Variants in SMTN observed in about 807,000 individuals in gnomAD.
SMTN encodes the protein smoothelin.
A neutral mutation model predicts 102.0 loss-of-function variants in SMTN; 58 were observed. That is an observed-to-expected ratio of 0.57 (90% CI 0.46 to 0.71). The LOEUF (loss-of-function observed/expected upper bound fraction) is 0.71, where lower values mean the gene tolerates loss of function less well. Among genes scored for constraint, SMTN ranks in the 30% least tolerant of loss-of-function variants. SMTN has a pLI of 0.00. For missense variants in SMTN, 1,185 were observed against 1,241.7 expected (o/e 0.95, Z 0.69); for synonymous variants, 478 against 497.9 (o/e 0.96, Z 0.53).
intron 8 of SMTN, 134 bp downstream of exon 8, chr22:31,090,314 C>T (rs1439853669): frequency 2.9e-6 from 2 of 686,674 alleles, no homozygotes; most frequent in Admixed American, 2.9e-5. Flanking sequence ...TGATACTGCA[C>T]CCCACCCCTG....
chr22:31,095,479 G>C lies in SMTN; in HGVS notation c.1785+24G>C. 1 of 1,614,220 alleles carries C rather than the reference G, an allele frequency of 6.2e-7. No homozygotes were observed. Among genetic ancestry groups the C allele is most frequent in the Non-Finnish European group, 8.5e-7 (1 of 1,180,028 alleles). ...TGGTATAGCCAGATCCGGTGGGCTG[G>C]GGGTTGGCAGAGGCCAGCAGGCACC... On this transcript the variant is annotated intron_variant, in intron 12 of 20. Coordinates refer to ENST00000333137, the MANE Select transcript of SMTN (RefSeq NM_134269.3). This position sits in a 1 kb window ranked among gnomAD's most constrained non-coding sequence, Gnocchi z 4.1.
In SMTN at chr22:31,091,009, C is replaced by T; in HGVS notation, c.986C>T (p.Ser329Phe). The change falls in exon 10 of 21, where the codon TCT (serine) becomes TTT (phenylalanine). Residue 329 changes from serine (S) to phenylalanine (F), a missense_variant. Ser to Phe is a radical substitution (Grantham distance 155). Coordinates refer to ENST00000333137, the MANE Select transcript of SMTN (RefSeq NM_134269.3). ...CCTTCCTCATTCCAGCGGGCTGGCT[C>T]TGTGCGGGATCGTGTCCACAAGTTC... ...SGPSSFQRAG[S>F]VRDRVHKFTS... The T allele has an allele frequency of 6.2e-7, 1 of 1,613,970 alleles. No individual in the cohort carries two copies. Among genetic ancestry groups the T allele is most frequent in the Non-Finnish European group, 8.5e-7 (1 of 1,179,940 alleles).
In SMTN at chr22:31,089,989, C is replaced by T. The variant is rs779220557; in HGVS notation, c.762C>T (p.Leu254=). 2 of 1,603,034 alleles carry T rather than the reference C, an allele frequency of 1.2e-6. No homozygotes were observed. The highest frequency in any genetic ancestry group is 1.3e-5 in the African/African-American group (1 of 74,554). Residue 254 remains leucine, a synonymous_variant, in exon 7 of 21, where the codon CTC becomes CTT. Transcript: ENST00000333137. ...CTGAGCCTCAGGAGTCTCCAACGCT[C>T]CCCAGCACTGAGGGCCAGGTGGTCA... ...TSPEPQESPT[L]PSTEGQVVNK...
chr22:31,085,247 T>C (rs1362860008), intron 2 of SMTN: 1 of 1,524,006 alleles, frequency 6.6e-7, no homozygotes, highest in Admixed American at 2.0e-5. Flanking sequence ...CGGTAGCGGG[T>C]GTCTTCCTAC....
intron 1 of SMTN, among the ~76,000 whole-genome samples, chr22:31,071,160 C>T (rs920263470): frequency 2.7e-5 from 4 of 147,450 alleles, no homozygotes; most frequent in African/African-American, 1.0e-4. Flanking sequence ...GGATTGCTTG[C>T]GCCCAGGAGT....
intron 11 of SMTN, chr22:31,093,601 G>A (rs1192195790): frequency 1.3e-6 from 1 of 755,144 alleles, no homozygotes. Flanking sequence ...GGAGCCGGTG[G>A]CCCGGGCAGC....
Position 31,090,954 on chromosome 22 carries a change from C to G in SMTN, c.938-7C>G. ...CCAGTTGCTGACAGCCCTCCTGTTC[C>G]TTCTAGAGTCCACCCCCCTTGCCAG... On this transcript the variant is annotated splice_region_variant and splice_polypyrimidine_tract_variant and intron_variant, in intron 9 of 20. Coordinates refer to ENST00000333137, the MANE Select transcript of SMTN (RefSeq NM_134269.3). The G allele has an allele frequency of 6.2e-7, 1 of 1,613,116 alleles. No homozygotes were observed. Among genetic ancestry groups the G allele is most frequent in the African/African-American group, 1.3e-5 (1 of 75,010 alleles).
At chr22:31,069,198 A>G (rs736901) in intron 1 of SMTN, among the ~76,000 whole-genome samples, 35,282 of 151,840 alleles carry the variant, frequency 0.23, 5,342 homozygotes, top group African/African-American at 0.44. Context: ...GATTGAATCA[A>G]CTTCCAGGAT....
chr22:31,088,942 A>G lies in SMTN; in HGVS notation c.444A>G (p.Leu148=). Residue 148 remains leucine, a synonymous_variant, in exon 6 of 21, where the codon CTA becomes CTG. Coordinates refer to ENST00000333137, the MANE Select transcript of SMTN (RefSeq NM_134269.3). ...GCTCAAGAGAGGACAGCAAGGGGCT[A>G]GCGGCACACAGGCTGGAACAGTGTG... The part of the protein sequence containing the change: ...NSGSREDSKG[L]AAHRLEQCEV... The G allele has an allele frequency of 6.2e-7, 1 of 1,613,780 alleles. No individual in the cohort carries two copies. Among genetic ancestry groups the G allele is most frequent in the Non-Finnish European group, 8.5e-7 (1 of 1,179,996 alleles).
intron 2 of SMTN, among the ~76,000 whole-genome samples, chr22:31,084,476 A>G (rs1203531508): frequency 1.3e-5 from 2 of 152,094 alleles, no homozygotes; most frequent in African/African-American, 2.4e-5. Flanking sequence ...CTGCCTCTCC[A>G]CTATCACCGC....
Position 31,098,688 on chromosome 22 carries a change from G to C in SMTN, c.2181G>C (p.Gln727His), listed in dbSNP as rs2043812880. The change falls in exon 17 of 21, where the codon CAG becomes CAC. Residue 727 changes from glutamine to histidine, a missense_variant. Coordinates refer to ENST00000333137, the MANE Select transcript of SMTN (RefSeq NM_134269.3). Reference sequence around the variant, plus strand: ...CTAGCATCTTCGACCGCGAGGACCAGGCCAGCCCACGGGCCGGCAGCCTGG... The same window carrying C: ...CTAGCATCTTCGACCGCGAGGACCACGCCAGCCCACGGGCCGGCAGCCTGG... ...KMGSIFDRED[Q>H]ASPRAGSLAA... 6.2e-7 allele frequency: 1 copy of C among 1,613,458 alleles called. No homozygotes were observed. Among genetic ancestry groups the C allele is most frequent in the South Asian group, 1.1e-5 (1 of 91,062 alleles).
intron 20 of SMTN, 86 bp downstream of exon 20, chr22:31,101,135 G>A (rs536453067): frequency 3.5e-5 from 45 of 1,276,378 alleles, no homozygotes; most frequent in Non-Finnish European, 4.6e-5. Flanking sequence ...GCGGGTGGGG[G>A]AAGTAAGGGG....
rs750183416 is a variant in SMTN, at chr22:31,090,838, C to T, written c.896C>T (p.Ser299Phe). 1 of 1,613,874 alleles carries T rather than the reference C, an allele frequency of 6.2e-7. No individual in the cohort carries two copies. Among genetic ancestry groups the T allele is most frequent in the East Asian group, 2.2e-5 (1 of 44,894 alleles). ...DVAGPRPCQR[S>F]LSVLSPRQPA... ...GCTGGACCCCGACCCTGCCAACGCT[C>T]CCTGTCGGTGCTCAGCCCCCGCCAA... Residue 299 changes from serine (S) to phenylalanine (F), a missense_variant, in exon 9 of 21, where the codon TCC becomes TTC. Physicochemically the swap from Ser to Phe is radical, Grantham distance 155. Coordinates refer to ENST00000333137, the MANE Select transcript of SMTN (RefSeq NM_134269.3).
At chr22:31,098,000 G>C (rs747916714) in intron 16 of SMTN, among the ~76,000 whole-genome samples, 5 of 152,200 alleles carry the variant, frequency 3.3e-5, no homozygotes, top group African/African-American at 1.2e-4. Flanking sequence ...CCACTTCCCA[G>C]TATCTGCAAA....
chr22:31,102,940 C>G (rs1309707260), intron 20 of SMTN: 1 of 152,268 alleles, frequency 6.6e-6, no homozygotes, highest in Non-Finnish European at 1.5e-5. Context: ...CAGCAGCAGA[C>G]CCAGAACCCT....
chr22:31,075,481 G>A (rs1339836566), intron 1 of SMTN, among the ~76,000 whole-genome samples: 3 of 152,082 alleles, frequency 2.0e-5, no homozygotes, highest in Non-Finnish European at 4.4e-5. Flanking sequence ...AGGAGTTCAA[G>A]ACCAGCCTGG....
rs988991627 is a variant in SMTN, at chr22:31,091,558, G to A, written c.1459+76G>A. On this transcript the variant is annotated intron_variant, in intron 10 of 20. Transcript: ENST00000333137. ...CTTCTGCATGCAGGACAGGTGCTGC[G>A]GCCAGGACTCAGGGTGTCTCCAAAG... is the stretch of plus-strand genomic sequence containing the variant. 4.2e-5 allele frequency: 64 copies of A among 1,506,464 alleles called. No homozygotes were observed. The Middle Eastern group carries it at 7.1e-4, about 17-fold the overall frequency. 93.3% of individuals were successfully genotyped at this position (1,506,464 alleles called of 1,614,324 possible). A position where few individuals can be genotyped will look rare whatever the true frequency, so the allele number is the denominator to read the frequency against.
intron 8 of SMTN, 84 bp downstream of exon 8, chr22:31,090,264 G>T: frequency 8.8e-7 from 1 of 1,137,490 alleles, no homozygotes. Flanking sequence ...ATGGGCTCTT[G>T]TGCCTGGCAG....
intron 10 of SMTN, 77 bp from the exon 11 acceptor site, chr22:31,091,598 G>A (rs943073657): frequency 6.6e-6 from 10 of 1,518,136 alleles, no homozygotes; most frequent in African/African-American, 5.5e-5. Context: ...TGCTGGGAGC[G>A]AGGGCATTAT....
Sources: allele counts gnomAD v4.1 joint callset (sites outside exome capture counted in the v4.1 genomes callset), GRCh38; gene constraint gnomAD v4.1.1; non-coding constraint Gnocchi (gnomAD v3.1); transcripts MANE v1.5; gene names NCBI Gene and HGNC (gene_info 2026-07-23, HGNC 2026-07-21).